Variants in PIP5K1C observed in about 807,000 individuals in gnomAD.
PIP5K1C encodes phosphatidylinositol-4-phosphate 5-kinase type 1 gamma, also known as phosphatidylinositol 4-phosphate 5-kinase type-1 gamma.
Under a neutral mutation model 80.1 loss-of-function variants are expected in PIP5K1C, and 45 were observed. That is an observed-to-expected ratio of 0.56 (90% CI 0.44 to 0.72). The LOEUF is 0.72. Ranked by LOEUF, PIP5K1C falls within the 30% of genes least tolerant of loss-of-function variation. The pLI is 0.00. For missense variants in PIP5K1C, 753 were observed against 954.6 expected, an observed-to-expected ratio of 0.79 and a Z score of 2.78; for synonymous variants, 498 against 420.1, an observed-to-expected ratio of 1.19 and a Z score of -2.27.
chr19:3,693,270 G>A (rs1264190760), intron 1 of PIP5K1C, among the ~76,000 whole-genome samples: 1 of 152,170 alleles, frequency 6.6e-6, no homozygotes, highest in Non-Finnish European at 1.5e-5. Flanking sequence ...TTCAGTGGAG[G>A]AGAGCGGCCG....
At chr19:3,642,574 C>T (rs1022471491) in intron 14 of PIP5K1C, among the ~76,000 whole-genome samples, 3 of 152,190 alleles carry the variant, frequency 2.0e-5, no homozygotes, top group Non-Finnish European at 4.4e-5. Context: ...CCCACAGTCC[C>T]AGTGGTTGCT....
rs759179046 is a variant in PIP5K1C, at chr19:3,648,759, G to C, written c.1128-51C>G. ...TCAGCATCCCGCAGAGCTGGGACTC[G>C]GGGCAGGCGGGGCTGGGGACTCCAG... is the stretch of plus-strand genomic sequence containing the variant. On this transcript the variant is annotated intron_variant, in intron 8 of 17. Transcript: ENST00000335312. This position sits in a 1 kb window ranked among gnomAD's most constrained non-coding sequence, Gnocchi z 4.3. The C allele has an allele frequency of 2.5e-5, 37 of 1,500,458 alleles. No homozygotes were observed. The highest frequency in any genetic ancestry group is 3.4e-5 in the Non-Finnish European group (37 of 1,078,860). 92.9% of individuals were successfully genotyped at this position (1,500,458 alleles called of 1,614,324 possible).
At position 3,633,468 on chromosome 19, in the gene PIP5K1C, G is replaced by A. The variant is rs754459675; in HGVS notation, c.1973C>T (p.Ala658Val). The change falls in exon 17 of 18, where the codon GCC becomes GTC. Residue 658 changes from alanine to valine, a missense_variant. Transcript: ENST00000335312. ...GCTCTCGCCGTCGGAGGCCGGGGGG[G>A]CCTGGGCGCTATAGTGGAGCGGGGA... is the stretch of plus-strand genomic sequence containing the variant. ...VYSPLHYSAQ[A>V]PPASDGESDT 3.3e-6 allele frequency: 5 copies of A among 1,510,886 alleles called. No individual in the cohort carries two copies. The South Asian group carries it at 5.4e-5, about 16-fold the overall frequency. The allele number at this position is 1,510,886 out of a possible 1,614,324, so 93.6% of individuals were successfully genotyped here.
chr19:3,644,208 C>G lies in PIP5K1C; in HGVS notation c.1389G>C (p.Leu463Phe). 6.2e-7 allele frequency: 1 copy of G among 1,612,506 alleles called. No individual in the cohort carries two copies. The highest frequency in any genetic ancestry group is 8.5e-7 in the Non-Finnish European group (1 of 1,179,896). The change falls in exon 12 of 18, where the codon TTG becomes TTC. Residue 463 changes from leucine (L) to phenylalanine (F), a missense_variant. Physicochemically the swap from Leu to Phe is conservative, Grantham distance 22. Coordinates refer to ENST00000335312, the MANE Select transcript of PIP5K1C (RefSeq NM_012398.3). ...TGGGCCCCAGCGGTTTCACAGCTAG[C>G]AAGGCTCCGCCGCGCCCCTTCTTGG... ...SPSKKGRGGA[L>F]LAVKPLGPTA...
chr19:3,636,482 C>T (rs573609408), intron 16 of PIP5K1C: 4 of 985,568 alleles, frequency 4.1e-6, no homozygotes, highest in African/African-American at 1.7e-5. Flanking sequence ...CAAGCACCCC[C>T]CTCCGTAGGC....
intron 1 of PIP5K1C, among the ~76,000 whole-genome samples, chr19:3,678,386 AGATG>A (rs1421952927): frequency 1.5e-4 from 17 of 116,088 alleles, no homozygotes; most frequent in African/African-American, 5.4e-4. Flanking sequence ...GATGGAGAAT[AGATG>A]GATGGAGGGA....
In PIP5K1C at chr19:3,637,103, C is replaced by T; in HGVS notation, c.1920+1781G>A. The T allele has an allele frequency of 7.6e-7, 1 of 1,307,642 alleles. No homozygotes were observed. The highest frequency in any genetic ancestry group is 1.7e-5 in the South Asian group (1 of 59,176). The allele number at this position is 1,307,642 out of a possible 1,614,324, so 81.0% of individuals were successfully genotyped here. Reference sequence around the variant, plus strand: ...TGCGGTTCAGAGCCCGGCCCTGCAGCCACTCTGCTGACCTGTGCAACCTCC... The same window carrying T: ...TGCGGTTCAGAGCCCGGCCCTGCAGTCACTCTGCTGACCTGTGCAACCTCC... On this transcript the variant is annotated intron_variant, in intron 16 of 17. Transcript: ENST00000335312. This position sits in a 1 kb window ranked among gnomAD's most constrained non-coding sequence, Gnocchi z 7.0.
At chr19:3,699,573 T>C (rs1401835430) in intron 1 of PIP5K1C, among the ~76,000 whole-genome samples, 1 of 152,144 alleles carries the variant, frequency 6.6e-6, no homozygotes, top group Non-Finnish European at 1.5e-5. Context: ...TTTGGGAGCT[T>C]GTGACCTCGA....
At chr19:3,649,932 G>A (rs971901281) in intron 8 of PIP5K1C, 2 of 253,364 alleles carry the variant, frequency 7.9e-6, no homozygotes, top group Admixed American at 5.4e-5. Context: ...GAAGCCACTG[G>A]GACCCAGACC....
chr19:3,644,987 G>A (rs1341945656), intron 11 of PIP5K1C, among the ~76,000 whole-genome samples: 1 of 152,276 alleles, frequency 6.6e-6, no homozygotes, highest in Admixed American at 6.5e-5. Flanking sequence ...ATCGGTCCCA[G>A]AGAGTGGGGT....
intron 10 of PIP5K1C, among the ~76,000 whole-genome samples, chr19:3,646,616 GAC>G (rs2034224863): frequency 2.6e-5 from 4 of 152,222 alleles, no homozygotes; most frequent in Admixed American, 6.5e-5. Context: ...TCAGAGCCGA[GAC>G]AGCGCTCCTA....
chr19:3,661,818 T>G, intron 4 of PIP5K1C, 53 bp downstream of exon 4: 1 of 1,603,630 alleles, frequency 6.2e-7, no homozygotes, highest in Non-Finnish European at 8.5e-7. Flanking sequence ...CCACTCCGCC[T>G]CAGAGCCACG....
chr19:3,662,002 C>A lies in PIP5K1C; in HGVS notation c.220-1G>T. The A allele has an allele frequency of 6.3e-7, 1 of 1,589,958 alleles. No individual in the cohort carries two copies. The highest frequency in any genetic ancestry group is 1.3e-5 in the African/African-American group (1 of 74,614). On this transcript the variant is annotated splice_acceptor_variant, in intron 3 of 17. Coordinates refer to ENST00000335312, the MANE Select transcript of PIP5K1C (RefSeq NM_012398.3). LOFTEE classifies it high-confidence loss of function. ...CACCCTTCAGGGTGGAGGAGGTGGTCTGCAGGGAGACCAGAGTGTCAGGGC... is the reference window on the plus strand; with the variant it reads ...CACCCTTCAGGGTGGAGGAGGTGGTATGCAGGGAGACCAGAGTGTCAGGGC...
intron 1 of PIP5K1C, among the ~76,000 whole-genome samples, chr19:3,682,964 TCCCCTCCCTCCTCTCCTC>T (rs1413453987): frequency 3.2e-4 from 38 of 117,358 alleles, no homozygotes; most frequent in African/African-American, 1.1e-3. Context: ...CTCCTGTCCT[TCCCCTCCCTCCTCTCCTC>T]CCCCTCCCTC....
At chr19:3,686,219 C>A (rs576106161) in intron 1 of PIP5K1C, among the ~76,000 whole-genome samples, 2 of 152,168 alleles carry the variant, frequency 1.3e-5, no homozygotes, top group African/African-American at 4.8e-5. Flanking sequence ...TGACTGACAC[C>A]GGTAATCCTA....
In PIP5K1C at chr19:3,688,961, G is replaced by A. The variant is rs1164670478; in HGVS notation, c.94+11336C>T. ...TGCCCGGGATGGGGCTGGGGGGTGGGGGGGGCTTGGCGCACGCGGCCTATG... is the reference window on the plus strand; with the variant it reads ...TGCCCGGGATGGGGCTGGGGGGTGGAGGGGGCTTGGCGCACGCGGCCTATG... On this transcript the variant is annotated intron_variant, in intron 1 of 17. Transcript: ENST00000335312. The surrounding 1 kb of genome is among the most constrained non-coding windows in gnomAD (Gnocchi z 5.3). 6.6e-6 allele frequency among the ~76,000 whole-genome samples: 1 copy of A among 152,160 alleles called. No individual in the cohort carries two copies. Among genetic ancestry groups the A allele is most frequent in the Non-Finnish European group, 1.5e-5 (1 of 68,032 alleles).
rs529683530 is a variant in PIP5K1C at position 3,643,551 on chromosome 19, C to T, written c.1511-170G>A. Among the ~76,000 whole-genome samples, 4 of 152,236 alleles carry T rather than the reference C, an allele frequency of 2.6e-5. No homozygotes were observed. In the South Asian group the frequency reaches 8.3e-4, roughly 32 times the overall value. The stretch of plus-strand genomic sequence containing the variant: ...GGGAAGGACGACGTTCCCCCTCACA[C>T]AAAGGCTTCTGACCGCTCTCAAAAT... On this transcript the variant is annotated intron_variant, in intron 12 of 17. Coordinates refer to ENST00000335312, the MANE Select transcript of PIP5K1C (RefSeq NM_012398.3).
At chr19:3,661,650 T>C (rs1278808807) in intron 4 of PIP5K1C, among the ~76,000 whole-genome samples, 1 of 152,256 alleles carries the variant, frequency 6.6e-6, no homozygotes, top group African/African-American at 2.4e-5. Context: ...AGCTAACTTC[T>C]ATCTTTTCTT....
chr19:3,685,204 T>G (rs1337560167), intron 1 of PIP5K1C, among the ~76,000 whole-genome samples: 1 of 152,176 alleles, frequency 6.6e-6, no homozygotes, highest in Non-Finnish European at 1.5e-5. Flanking sequence ...CTCACACGGC[T>G]GGGGGTGATG....
Sources: gnomAD v4.1 joint callset for allele counts (sites outside exome capture counted in the v4.1 genomes callset) on GRCh38, gnomAD v4.1.1 for gene constraint, Gnocchi (gnomAD v3.1) non-coding constraint, MANE v1.5 for transcripts, NCBI Gene and HGNC (gene_info 2026-07-23, HGNC 2026-07-21) for gene names.